The following HIGD1C variants were observed in gnomAD, a reference collection of about 807,000 sequenced individuals.
HIGD1C encodes HIG1 domain family member 1C.
HIGD1C carries 11 observed loss-of-function variants against 13.1 expected under a neutral mutation model. The observed-to-expected ratio is 0.84, with a 90% confidence interval of 0.53 to 1.39. The LOEUF is 1.39. Ranked by LOEUF, HIGD1C falls within the 40% of genes most tolerant of loss-of-function variation. The pLI, the probability that HIGD1C is intolerant of heterozygous loss-of-function variation, is 0.00. For missense variants in HIGD1C, 110 were observed against 112.0 expected, an observed-to-expected ratio of 0.98 and a Z score of 0.08; for synonymous variants, 36 against 37.7, an observed-to-expected ratio of 0.95 and a Z score of 0.17.
the HIGD1C span, among the ~76,000 whole-genome samples, chr12:50,938,289 C>A: frequency 6.6e-6 from 1 of 152,098 alleles, no homozygotes; most frequent in Non-Finnish European, 1.5e-5. Flanking sequence ...GTGTCAGCAC[C>A]GCCCTGAGTG....
At chr12:50,933,859 G>T in the HIGD1C span, among the ~76,000 whole-genome samples, 1 of 152,170 alleles carries the variant, frequency 6.6e-6, no homozygotes, top group African/African-American at 2.4e-5. Context: ...ATCCATGACC[G>T]ATCAGATCAA....
At chr12:50,956,534 C>A (rs1939103424) in intron 1 of HIGD1C, among the ~76,000 whole-genome samples, 1 of 152,192 alleles carries the variant, frequency 6.6e-6, no homozygotes, top group Non-Finnish European at 1.5e-5. Flanking sequence ...TTATCTTAAG[C>A]AACTTCCATC....
At chr12:50,943,846 G>T in the HIGD1C span, among the ~76,000 whole-genome samples, 1 of 152,024 alleles carries the variant, frequency 6.6e-6, no homozygotes, top group South Asian at 2.1e-4. Context: ...TAAGTGTCCT[G>T]ATGGCAACAC....
At chr12:50,972,341 A>C (rs1017989366), downstream of HIGD1C, among the ~76,000 whole-genome samples, 2 of 152,386 alleles carry the variant, frequency 1.3e-5, no homozygotes, top group African/African-American at 2.4e-5. Context: ...GCTTGAAAAA[A>C]GCAATGCTAA....
At chr12:50,963,816 G>A (rs1939439345) in intron 2 of HIGD1C, among the ~76,000 whole-genome samples, 1 of 152,192 alleles carries the variant, frequency 6.6e-6, no homozygotes, top group African/African-American at 2.4e-5. Flanking sequence ...TCTGGAAAAT[G>A]CAGTTACAGG....
chr12:50,957,648 G>GC (rs1939149304), intron 1 of HIGD1C, among the ~76,000 whole-genome samples: 1 of 151,860 alleles, frequency 6.6e-6, no homozygotes, highest in African/African-American at 2.4e-5. Flanking sequence ...ACTTTGGGAG[G>GC]CCGAGGTGGG....
the HIGD1C span, chr12:50,939,868 T>C: frequency 2.6e-5 from 4 of 152,062 alleles, no homozygotes; most frequent in Non-Finnish European, 5.9e-5. Flanking sequence ...TCAGAAAAGA[T>C]ATTTTACTTC....
upstream of HIGD1C, among the ~76,000 whole-genome samples, chr12:50,953,515 T>C (rs1341979566): frequency 6.6e-6 from 1 of 152,198 alleles, no homozygotes; most frequent in Non-Finnish European, 1.5e-5. Context: ...TGAATGACTT[T>C]ATAATGCCCT....
upstream of HIGD1C, chr12:50,953,808 C>T (rs1938986020): frequency 1.9e-6 from 1 of 523,092 alleles, no homozygotes; most frequent in Non-Finnish European, 3.4e-6. Context: ...ATCCCCTTCC[C>T]CTGCAAAATG....
At chr12:50,948,565 T>C in the HIGD1C span, among the ~76,000 whole-genome samples, 1 of 151,716 alleles carries the variant, frequency 6.6e-6, no homozygotes, top group African/African-American at 2.4e-5. Flanking sequence ...CCTGAAAATA[T>C]ACCTTCAATA....
At chr12:50,958,799 T>G (rs1338240189) in intron 1 of HIGD1C, among the ~76,000 whole-genome samples, 1 of 151,520 alleles carries the variant, frequency 6.6e-6, no homozygotes, top group African/African-American at 2.4e-5. Context: ...GGTGGATCAC[T>G]TGGGGCCAGG....
At chr12:50,969,712 A>C (rs1317694827) in intron 2 of HIGD1C, among the ~76,000 whole-genome samples, 3 of 151,510 alleles carry the variant, frequency 2.0e-5, no homozygotes, top group African/African-American at 7.3e-5. Flanking sequence ...CAAAAAAAAA[A>C]AAACAAAAAC....
intron 1 of HIGD1C, among the ~76,000 whole-genome samples, chr12:50,955,763 A>G (rs1939069882): frequency 6.6e-6 from 1 of 152,196 alleles, no homozygotes; most frequent in Admixed American, 6.5e-5. Context: ...CTTCCTTAGC[A>G]TTTTTAGTTA....
At chr12:50,954,183 T>A (rs960371600) in intron 1 of HIGD1C, 91 bp downstream of exon 3, 143 of 774,454 alleles carry the variant, frequency 1.8e-4, no homozygotes, top group Non-Finnish European at 1.8e-4. Flanking sequence ...TTTCTTATAA[T>A]TGAATTTTTT....
chr12:50,947,910 C>G, the HIGD1C span, among the ~76,000 whole-genome samples: 1 of 152,176 alleles, frequency 6.6e-6, no homozygotes, highest in East Asian at 1.9e-4. Context: ...GACCACGTCA[C>G]TGCACTCCAG....
At chr12:50,968,590 C>T (rs969998595) in intron 2 of HIGD1C, among the ~76,000 whole-genome samples, 6 of 151,960 alleles carry the variant, frequency 3.9e-5, no homozygotes, top group African/African-American at 1.4e-4. Flanking sequence ...CACTCTGTTG[C>T]CCAGGCTGGA....
the HIGD1C span, among the ~76,000 whole-genome samples, chr12:50,935,681 G>A: frequency 3.9e-5 from 6 of 152,136 alleles, no homozygotes; most frequent in South Asian, 1.2e-3. Flanking sequence ...TAGAGATAGG[G>A]TCTCACCGTG....
At chr12:50,940,660 CTGCAGTGAGCCGTGAT>C in the HIGD1C span, among the ~76,000 whole-genome samples, 2 of 150,296 alleles carry the variant, frequency 1.3e-5, no homozygotes, top group Admixed American at 6.6e-5. Flanking sequence ...TAAGTCGAGG[CTGCAGTGAGCCGTGAT>C]TGCACCACTG....
At chr12:50,942,582 C>T in the HIGD1C span, among the ~76,000 whole-genome samples, 1 of 152,196 alleles carries the variant, frequency 6.6e-6, no homozygotes. Flanking sequence ...AAATGCAAAG[C>T]TTGGCTGGGT....
Sources: gnomAD v4.1 joint callset for allele counts (sites outside exome capture counted in the v4.1 genomes callset) on GRCh38, gnomAD v4.1.1 for gene constraint, MANE v1.5 for transcripts, NCBI Gene and HGNC (gene_info 2026-07-23, HGNC 2026-07-21) for gene names.